KSR1: variants seen among roughly 807,000 people sequenced by gnomAD.
The protein encoded by KSR1 is kinase suppressor of ras 1, also known as kinase suppressor of ras.
A neutral mutation model predicts 92.9 loss-of-function variants in KSR1; 35 were observed. That is an observed-to-expected ratio of 0.38 (90% confidence interval 0.29 to 0.50). The LOEUF (loss-of-function observed/expected upper bound fraction) is 0.50, where lower values mean the gene tolerates loss of function less well. Ranked by LOEUF, KSR1 falls within the 20% of genes least tolerant of loss-of-function variation. The pLI, the probability that KSR1 is intolerant of heterozygous loss-of-function variation, is 0.94. For synonymous variants in KSR1, 467 were observed against 472.6 expected (o/e 0.99, Z 0.15); for missense variants, 972 against 1,158.5 (o/e 0.84, Z 2.34).
chr17:27,585,947 CTT>C, intron 5 of KSR1: 3 of 443,892 alleles, frequency 6.8e-6, no homozygotes, highest in Non-Finnish European at 1.2e-5. Context: ...CCACCTTGCC[CTT>C]CCCCACCGAG....
At chr17:27,487,080 C>T (rs531490670) in intron 1 of KSR1, among the ~76,000 whole-genome samples, 29 of 152,160 alleles carry the variant, frequency 1.9e-4, no homozygotes, top group Non-Finnish European at 3.7e-4. Context: ...CTCCCTTATA[C>T]TGTGTTAGTC....
In KSR1 at chr17:27,583,102, T is replaced by C; in HGVS notation, c.977T>C (p.Met326Thr). The change falls in exon 4 of 21, where the codon ATG (methionine) becomes ACG (threonine). Residue 326 changes from methionine (M) to threonine (T), a missense_variant. By Grantham distance (81) the Met-to-Thr change is moderately conservative. This residue lies in a region of KSR1 where 611 missense variants were observed against 668.0 expected (regional missense o/e 0.91). Transcript: ENST00000644974. The stretch of plus-strand genomic sequence containing the variant: ...AACCGCATTGATGACGTCTCCTCGA[T>C]GAGGTGAGTGCTCCTTCTGGGCAGC... ...LGNRIDDVSS[M>T]RFDLSHGSPQ... 1.3e-6 allele frequency: 2 copies of C among 1,547,116 alleles called. No individual in the cohort carries two copies. Among genetic ancestry groups the C allele is most frequent in the South Asian group, 1.3e-5 (1 of 79,918 alleles).
chr17:27,532,629 C>G (rs777084007), intron 1 of KSR1, among the ~76,000 whole-genome samples: 1 of 152,138 alleles, frequency 6.6e-6, no homozygotes, highest in African/African-American at 2.4e-5. Context: ...GCGGGTGGGA[C>G]GGGGTAGGAT....
intron 7 of KSR1, among the ~76,000 whole-genome samples, chr17:27,591,779 C>G (rs1399650935): frequency 6.6e-6 from 1 of 152,200 alleles, no homozygotes; most frequent in Non-Finnish European, 1.5e-5. Flanking sequence ...GAGCCCAGGG[C>G]TGTCCTGCGG....
chr17:27,566,093 G>A (rs904609890), intron 2 of KSR1, among the ~76,000 whole-genome samples: 1 of 152,116 alleles, frequency 6.6e-6, no homozygotes, highest in Non-Finnish European at 1.5e-5. Flanking sequence ...TGGGGGTGGG[G>A]GTTCCCCAGA....
intron 1 of KSR1, among the ~76,000 whole-genome samples, chr17:27,477,284 T>C (rs930295071): frequency 6.6e-6 from 1 of 152,202 alleles, no homozygotes; most frequent in African/African-American, 2.4e-5. Context: ...TGCCTAACCA[T>C]CTGGGAATGC....
Position 27,603,851 on chromosome 17 carries a change from C to T in KSR1, c.1528C>T (p.His510Tyr), listed in dbSNP as rs1416924440. ...FIFPDISAFA[H>Y]AAPLPEAADG... The stretch of plus-strand genomic sequence containing the variant: ...TCCTCCAGACATTTCAGCCTTTGCA[C>T]ACGCAGCCCCGCTCCCTGAAGCTGC... The change falls in exon 12 of 21, where the codon CAC (histidine) becomes TAC (tyrosine). Residue 510 changes from histidine to tyrosine, a missense_variant. By Grantham distance (83) the His-to-Tyr change is moderately conservative. Around this residue, in one of 5 missense-constraint regions of KSR1, gnomAD observed 611 missense variants for 668.0 expected, o/e 0.91. Transcript: ENST00000644974. 6.2e-7 allele frequency: 1 copy of T among 1,613,890 alleles called. No homozygotes were observed. The highest frequency in any genetic ancestry group is 2.2e-5 in the East Asian group (1 of 44,890).
At chr17:27,597,072 C>T (rs1295674214) in intron 9 of KSR1, among the ~76,000 whole-genome samples, 196 bp from the exon 10 acceptor site, 1 of 152,138 alleles carries the variant, frequency 6.6e-6, no homozygotes, top group Admixed American at 6.5e-5. Flanking sequence ...TGAGCAGGAG[C>T]CCCCCGGGGA....
chr17:27,606,349 C>T lies in KSR1; in HGVS notation c.1994+536C>T, dbSNP rs143387205. Reference sequence around the variant, plus strand: ...AGTCTTCTCCCACTGCAACTGAGCGCTTCTCCCCAAAGTCAGAGACACTAT... The same window carrying T: ...AGTCTTCTCCCACTGCAACTGAGCGTTTCTCCCCAAAGTCAGAGACACTAT... On this transcript the variant is annotated intron_variant, in intron 14 of 20. Transcript: ENST00000644974. Among the ~76,000 whole-genome samples, 175 of 152,342 alleles carry T rather than the reference C, an allele frequency of 1.1e-3. 1 individual carries two copies. Among genetic ancestry groups the T allele is most frequent in the Non-Finnish European group, 2.3e-3 (156 of 68,032 alleles).
intron 1 of KSR1, among the ~76,000 whole-genome samples, chr17:27,494,199 T>C (rs1041553036): frequency 3.3e-5 from 5 of 152,070 alleles, no homozygotes; most frequent in African/African-American, 1.2e-4. Context: ...GTGGAGATGA[T>C]TTTTTTTATG....
intron 1 of KSR1, among the ~76,000 whole-genome samples, chr17:27,547,415 A>C (rs892739332): frequency 2.6e-5 from 4 of 152,202 alleles, no homozygotes. Flanking sequence ...ATGTCATTCC[A>C]CTTGATTGTA....
At chr17:27,610,498 C>A (rs538085221) in intron 17 of KSR1, among the ~76,000 whole-genome samples, 1 of 152,362 alleles carries the variant, frequency 6.6e-6, no homozygotes, top group African/African-American at 2.4e-5. Flanking sequence ...CAGCCCCACC[C>A]AGCTGATCTG....
intron 1 of KSR1, among the ~76,000 whole-genome samples, chr17:27,532,244 G>T (rs2070569526): frequency 6.6e-6 from 1 of 152,224 alleles, no homozygotes; most frequent in Non-Finnish European, 1.5e-5. Flanking sequence ...CAATTGCAAA[G>T]GTCAGAGGGC....
rs1033170434 is a variant in KSR1 at position 27,485,695 on chromosome 17, G to A, written c.231+28821G>A. Among the ~76,000 whole-genome samples, 101 of 152,030 alleles carry A rather than the reference G, an allele frequency of 6.6e-4. 1 individual carries two copies. Among genetic ancestry groups the A allele is most frequent in the Non-Finnish European group, 1.4e-3 (92 of 68,016 alleles). ...GAACCTACCTGTCTCACGTGTTGGG[G>A]GCAAAATCGTGTCATCAATAGGGCT... On this transcript the variant is annotated intron_variant, in intron 1 of 20. Transcript: ENST00000644974.
intron 1 of KSR1, among the ~76,000 whole-genome samples, chr17:27,493,652 A>C (rs765645027): frequency 6.2e-4 from 95 of 152,288 alleles, no homozygotes; most frequent in Non-Finnish European, 8.8e-4. Context: ...CTCAGATTTA[A>C]ATAACCTTTC....
intron 2 of KSR1, among the ~76,000 whole-genome samples, chr17:27,563,156 A>G (rs1286315861): frequency 1.3e-5 from 2 of 152,120 alleles, no homozygotes; most frequent in Non-Finnish European, 2.9e-5. Context: ...TTCGCTCCCT[A>G]TATCCACTCT....
chr17:27,601,478 T>A, intron 11 of KSR1, 77 bp downstream of exon 11: 1 of 1,200,068 alleles, frequency 8.3e-7, no homozygotes, highest in East Asian at 2.4e-5. Flanking sequence ...CAGGGCGCCC[T>A]CTCTCTGGGT....
chr17:27,462,110 A>G (rs1233518918), intron 1 of KSR1, among the ~76,000 whole-genome samples: 1 of 152,186 alleles, frequency 6.6e-6, no homozygotes, highest in African/African-American at 2.4e-5. Context: ...ACAGATGAAG[A>G]ACGTGCTTGA....
At chr17:27,604,972 G>A (rs2073700174) in intron 13 of KSR1, among the ~76,000 whole-genome samples, 1 of 152,202 alleles carries the variant, frequency 6.6e-6, no homozygotes, top group South Asian at 2.1e-4. Flanking sequence ...CCACTGCCTT[G>A]ACCCTTGAAC....
Sources: gnomAD v4.1 joint callset for allele counts (sites outside exome capture counted in the v4.1 genomes callset) on GRCh38, gnomAD v4.1.1 for gene constraint, gnomAD v4.1.1 regional missense constraint, MANE v1.5 for transcripts, NCBI Gene and HGNC (gene_info 2026-07-23, HGNC 2026-07-21) for gene names.